CA4: variants seen among roughly 807,000 people sequenced by gnomAD.
The protein encoded by CA4 is carbonic anhydrase 4, also known as CA-IV.
A neutral mutation model predicts 34.5 loss-of-function variants in CA4; 24 were observed. That is an observed-to-expected ratio of 0.70 (90% CI 0.50 to 0.98). The LOEUF (loss-of-function observed/expected upper bound fraction) is 0.98. Ranked by LOEUF, CA4 falls within the 50% of genes least tolerant of loss-of-function variation. CA4 has a pLI of 0.00. For synonymous variants in CA4, 178 were observed against 170.6 expected (o/e 1.04, Z -0.34); for missense variants, 394 against 396.7 (o/e 0.99, Z 0.06).
Position 60,154,487 on chromosome 17 carries a change from G to A in CA4, c.59-827G>A, listed in dbSNP as rs1377638816. On this transcript the variant is annotated intron_variant, in intron 1 of 7. Coordinates refer to ENST00000300900, the MANE Select transcript of CA4 (RefSeq NM_000717.5). Reference sequence around the variant, plus strand: ...GAGATGTTGTGTTCGCCCTGCTGGTGCAGCCTTTTAAAAAAATTAATAGAC... The same window carrying A: ...GAGATGTTGTGTTCGCCCTGCTGGTACAGCCTTTTAAAAAAATTAATAGAC... 5.3e-5 allele frequency among the ~76,000 whole-genome samples: 8 copies of A among 152,288 alleles called. No homozygotes were observed. The East Asian group carries it at 1.5e-3, about 29-fold the overall frequency.
the CA4 span, among the ~76,000 whole-genome samples, chr17:60,176,040 T>A: frequency 1.6e-3 from 236 of 152,250 alleles, no homozygotes; most frequent in African/African-American, 5.5e-3. Flanking sequence ...GGTCTTGAAC[T>A]CTCAACCTTA....
chr17:60,156,796 G>A, intron 3 of CA4, 81 bp downstream of exon 3: 1 of 1,331,958 alleles, frequency 7.5e-7, no homozygotes. Context: ...TCCCAGGAGG[G>A]TGTGCCAGAC....
Position 60,154,333 on chromosome 17 carries a change from G to A in CA4, c.59-981G>A, listed in dbSNP as rs188629440. 3.0e-3 allele frequency among the ~76,000 whole-genome samples: 456 copies of A among 152,094 alleles called. 5 individuals carry two copies. Among genetic ancestry groups the A allele is most frequent in the South Asian group, 3.5e-3 (17 of 4,818 alleles). On this transcript the variant is annotated intron_variant, in intron 1 of 7. Coordinates refer to ENST00000300900, the MANE Select transcript of CA4 (RefSeq NM_000717.5). Reference sequence around the variant, plus strand: ...GAAACCTCATTTAATCCTCCCCAAGGCCCTATGAGGTGGGTATGTTTGTCT... The same window carrying A: ...GAAACCTCATTTAATCCTCCCCAAGACCCTATGAGGTGGGTATGTTTGTCT...
rs954291379 is a variant in CA4, at chr17:60,150,106, C to T, written c.58+14C>T. The stretch of plus-strand genomic sequence containing the variant: ...CGGCCAGTGCAGGTGAGCTCCCGGG[C>T]TCCGGCCCCAGGTGCCCCTCGGCGG... On this transcript the variant is annotated intron_variant, in intron 1 of 7. Transcript: ENST00000300900. 4 of 1,592,646 alleles carry T rather than the reference C, an allele frequency of 2.5e-6. No individual in the cohort carries two copies. The highest frequency in any genetic ancestry group is 1.3e-5 in the African/African-American group (1 of 74,524).
intron 1 of CA4, among the ~76,000 whole-genome samples, chr17:60,155,045 C>T (rs1328372983): frequency 6.6e-6 from 1 of 152,204 alleles, no homozygotes; most frequent in Non-Finnish European, 1.5e-5. Context: ...AGATGAGTGG[C>T]CTCAGAGGGC....
rs762892082 is a variant in CA4, at chr17:60,158,008, C to T, written c.514-53C>T. The stretch of plus-strand genomic sequence containing the variant: ...CCCCAGATCGGGAGAATGAACTGGC[C>T]ACCACCACTGGCTCCCTGCAGACTT... On this transcript the variant is annotated intron_variant, in intron 5 of 7. Transcript: ENST00000300900. 7.5e-6 allele frequency: 12 copies of T among 1,603,554 alleles called. No individual in the cohort carries two copies. The Admixed American group carries it at 2.1e-4, about 28-fold the overall frequency.
chr17:60,150,138 C>T (rs944007025), intron 1 of CA4, 46 bp downstream of exon 1: 2 of 1,492,290 alleles, frequency 1.3e-6, no homozygotes, highest in Non-Finnish European at 1.8e-6. Context: ...GCGGTCCCCT[C>T]CGTGCCCCCA....
At chr17:60,155,403 C>A (rs1269840011) in intron 2 of CA4, 36 bp downstream of exon 2, 1 of 1,559,932 alleles carries the variant, frequency 6.4e-7, no homozygotes, top group Non-Finnish European at 8.7e-7. Context: ...GCTCTTTGTG[C>A]ATGGTGGGCA....
chr17:60,168,041 G>C (rs2083872489), intron 5 of CA4, among the ~76,000 whole-genome samples: 1 of 151,940 alleles, frequency 6.6e-6, no homozygotes, highest in Admixed American at 6.6e-5. Flanking sequence ...GACAAGCTGG[G>C]TCCAAGTGAA....
At position 60,170,488 on chromosome 17, in the gene CA4, T is replaced by A. The variant is rs151048166; in HGVS notation, c.*179-63T>A. ...AGTCTTTGCTTGACTCAATCCAGAATCCTTTCTCTCTCCCTGGTCCTATCT... is the reference window on the plus strand; with the variant it reads ...AGTCTTTGCTTGACTCAATCCAGAAACCTTTCTCTCTCCCTGGTCCTATCT... On this transcript the variant is annotated intron_variant and NMD_transcript_variant, in intron 5 of 5. Coordinates refer to the CA4 transcript ENST00000586876. 160 of 152,390 alleles carry A rather than the reference T, an allele frequency of 1.0e-3. 2 individuals carry two copies. Among genetic ancestry groups the A allele is most frequent in the Middle Eastern group, 6.8e-3 (2 of 296 alleles). The allele number at this position is 152,390 out of a possible 1,614,324, so 9.4% of individuals were successfully genotyped here.
At chr17:60,167,586 A>G (rs1292339642) in intron 5 of CA4, among the ~76,000 whole-genome samples, 1 of 152,270 alleles carries the variant, frequency 6.6e-6, no homozygotes, top group Non-Finnish European at 1.5e-5. Context: ...GCACCATTCC[A>G]GGGCTGGGAC....
chr17:60,165,282 A>T (rs1274008522), intron 5 of CA4, among the ~76,000 whole-genome samples: 1 of 152,154 alleles, frequency 6.6e-6, no homozygotes. Flanking sequence ...ACTTAGGGAC[A>T]TCCCTCAGCA....
downstream of CA4, among the ~76,000 whole-genome samples, chr17:60,160,201 C>T (rs2083769570): frequency 6.6e-6 from 1 of 152,166 alleles, no homozygotes; most frequent in African/African-American, 2.4e-5. Flanking sequence ...ATGACGGCAG[C>T]CCCAGCCCTG....
chr17:60,150,126 C>T lies in CA4; in HGVS notation c.58+34C>T, dbSNP rs749812583. 6.4e-6 allele frequency: 10 copies of T among 1,561,190 alleles called. No individual in the cohort carries two copies. In the African/African-American group the frequency reaches 9.5e-5, roughly 15 times the overall value. On this transcript the variant is annotated intron_variant, in intron 1 of 7. Transcript: ENST00000300900. ...CCGGGCTCCGGCCCCAGGTGCCCCT[C>T]GGCGGTCCCCTCCGTGCCCCCAGCT...
At chr17:60,172,579 C>G (rs773814644), downstream of CA4, among the ~76,000 whole-genome samples, 1 of 152,208 alleles carries the variant, frequency 6.6e-6, no homozygotes, top group Non-Finnish European at 1.5e-5. Context: ...TGTGGTGGCT[C>G]ACACCTGTAT....
intron 4 of CA4, 25 bp downstream of exon 4, chr17:60,157,597 C>G (rs2083712270): frequency 6.2e-7 from 1 of 1,614,078 alleles, no homozygotes; most frequent in Admixed American, 1.7e-5. Flanking sequence ...CCGACTGGGA[C>G]CTTGTCTGGG....
chr17:60,157,256 TC>T (rs2083704038), intron 3 of CA4, among the ~76,000 whole-genome samples, 170 bp from the exon 4 acceptor site: 1 of 152,040 alleles, frequency 6.6e-6, no homozygotes. Flanking sequence ...CAGGGAAAGG[TC>T]CGGGGCTGTC....
chr17:60,155,491 C>T, intron 2 of CA4, 124 bp downstream of exon 2: 3 of 655,814 alleles, frequency 4.6e-6, no homozygotes, highest in Non-Finnish European at 8.1e-6. Flanking sequence ...GATATCAGTT[C>T]CCAGCATACA....
intron 2 of CA4, 109 bp from the exon 3 acceptor site, chr17:60,156,451 G>A: frequency 9.1e-7 from 1 of 1,096,254 alleles, no homozygotes; most frequent in Non-Finnish European, 1.4e-6. Flanking sequence ...CCACCCCAAA[G>A]CGTTTCTGTG....
Sources: gnomAD v4.1 joint callset for allele counts (sites outside exome capture counted in the v4.1 genomes callset) on GRCh38, gnomAD v4.1.1 for gene constraint, MANE v1.5 for transcripts, NCBI Gene and HGNC (gene_info 2026-07-23, HGNC 2026-07-21) for gene names.